Variants in GRIA4 observed in about 807,000 individuals in gnomAD.
GRIA4 encodes glutamate ionotropic receptor AMPA type subunit 4.
In GRIA4, 34 loss-of-function variants were observed where a neutral mutation model predicts 104.0. That is an observed-to-expected ratio of 0.33 (90% CI 0.25 to 0.44). The LOEUF (loss-of-function observed/expected upper bound fraction) is 0.44, where lower values mean the gene tolerates loss of function less well. Among genes scored for constraint, GRIA4 ranks in the 20% least tolerant of loss-of-function variants. The pLI, the probability that GRIA4 is intolerant of heterozygous loss-of-function variation, is 1.00. For synonymous variants in GRIA4, 386 were observed against 381.9 expected (o/e 1.01, Z -0.13); for missense variants, 750 against 1,096.5 (o/e 0.68, Z 4.46).
intron 3 of GRIA4, among the ~76,000 whole-genome samples, chr11:105,675,286 G>A (rs1418220044): frequency 6.6e-6 from 1 of 151,680 alleles, no homozygotes; most frequent in Non-Finnish European, 1.5e-5. Context: ...AAAATTTGGG[G>A]TGATTTTTGT....
chr11:105,632,501 C>T (rs545749474), intron 3 of GRIA4, among the ~76,000 whole-genome samples: 1 of 152,318 alleles, frequency 6.6e-6, no homozygotes, highest in East Asian at 1.9e-4. Flanking sequence ...CCCAGCTTTG[C>T]TGTTCATTAG....
At chr11:105,742,749 C>CA (rs1939393997) in intron 3 of GRIA4, among the ~76,000 whole-genome samples, 1 of 151,948 alleles carries the variant, frequency 6.6e-6, no homozygotes, top group Non-Finnish European at 1.5e-5. Flanking sequence ...ATGGTGAACC[C>CA]AAAAAATCAG....
At chr11:105,831,968 A>G (rs749880584) in intron 4 of GRIA4, among the ~76,000 whole-genome samples, 1 of 152,006 alleles carries the variant, frequency 6.6e-6, no homozygotes, top group African/African-American at 2.4e-5. Context: ...AGCAGAGAAG[A>G]CAGTGAATTC....
chr11:105,730,096 G>A (rs546157145), intron 3 of GRIA4, among the ~76,000 whole-genome samples: 1 of 152,298 alleles, frequency 6.6e-6, no homozygotes, highest in African/African-American at 2.4e-5. Flanking sequence ...ATTCATCTCT[G>A]TTTGCAGATG....
At chr11:105,729,691 A>G (rs1938461230) in intron 3 of GRIA4, among the ~76,000 whole-genome samples, 1 of 152,218 alleles carries the variant, frequency 6.6e-6, no homozygotes, top group Non-Finnish European at 1.5e-5. Flanking sequence ...CTGGGATACG[A>G]GGCTGGTTCA....
At chr11:105,932,530 T>G (rs1428663014) in intron 13 of GRIA4, among the ~76,000 whole-genome samples, 1 of 152,116 alleles carries the variant, frequency 6.6e-6, no homozygotes, top group Non-Finnish European at 1.5e-5. Flanking sequence ...AATGAAAAAT[T>G]TAATGCAAAT....
chr11:105,974,521 A>G (rs2136289803), intron 16 of GRIA4, 77 bp downstream of exon 16: 1 of 1,613,654 alleles, frequency 6.2e-7, no homozygotes, highest in Admixed American at 1.7e-5. Context: ...AGAGAAGGTT[A>G]CAACGTATAT....
intron 3 of GRIA4, among the ~76,000 whole-genome samples, chr11:105,683,071 A>G (rs1952761718): frequency 6.6e-6 from 1 of 152,168 alleles, no homozygotes; most frequent in South Asian, 2.1e-4. Flanking sequence ...TAGTCTTAGA[A>G]CTCTAAAAAA....
At chr11:105,620,694 A>G (rs1040109190) in intron 3 of GRIA4, among the ~76,000 whole-genome samples, 1 of 151,854 alleles carries the variant, frequency 6.6e-6, no homozygotes, top group African/African-American at 2.4e-5. Flanking sequence ...TATATTGCCA[A>G]ATTCATGTCA....
intron 5 of GRIA4, among the ~76,000 whole-genome samples, chr11:105,883,933 C>T (rs1946159719): frequency 6.6e-6 from 1 of 152,132 alleles, no homozygotes. Context: ...TCCTCTCCAG[C>T]ACCTTTATGC....
chr11:105,965,650 G>A (rs1858321864), intron 14 of GRIA4, among the ~76,000 whole-genome samples: 1 of 140,382 alleles, frequency 7.1e-6, no homozygotes, highest in Non-Finnish European at 1.5e-5. Flanking sequence ...TCAATTACTA[G>A]TAAATTCCCG....
Position 105,905,179 on chromosome 11 carries a change from G to A in GRIA4, c.1054-18G>A. 7.1e-7 allele frequency: 1 copy of A among 1,407,570 alleles called. No homozygotes were observed. The highest frequency in any genetic ancestry group is 1.0e-6 in the Non-Finnish European group (1 of 992,176). 87.2% of individuals were successfully genotyped at this position (1,407,570 alleles called of 1,614,324 possible). ...GTGAAATTGCAAGTGAACACGTGTG[G>A]TTTTCTTTTTCACTTAGGTTCGAAT... On this transcript the variant is annotated intron_variant, in intron 8 of 16. Transcript: ENST00000282499.
At chr11:105,848,872 G>A (rs2135981749) in intron 4 of GRIA4, among the ~76,000 whole-genome samples, 1 of 152,192 alleles carries the variant, frequency 6.6e-6, no homozygotes, top group Non-Finnish European at 1.5e-5. Flanking sequence ...GCAGAGACTA[G>A]GGCCTTTATT....
At chr11:105,910,294 C>CTTT (rs113570660) in intron 9 of GRIA4, 141 bp from the exon 10 acceptor site, 3 of 490,268 alleles carry the variant, frequency 6.1e-6, no homozygotes, top group Non-Finnish European at 1.1e-5. Context: ...CTTCTGAACA[C>CTTT]TTTTTTTTTT....
At chr11:105,959,255 C>T (rs966889161) in intron 14 of GRIA4, among the ~76,000 whole-genome samples, 3 of 152,150 alleles carry the variant, frequency 2.0e-5, no homozygotes, top group Admixed American at 6.5e-5. Context: ...TCAAATCAAT[C>T]GTAGGTTCTG....
chr11:105,668,948 T>C (rs1391395755), intron 3 of GRIA4, among the ~76,000 whole-genome samples: 4 of 152,046 alleles, frequency 2.6e-5, no homozygotes, highest in Non-Finnish European at 5.9e-5. Flanking sequence ...TCTAACCTTC[T>C]GCTGGACATT....
intron 3 of GRIA4, among the ~76,000 whole-genome samples, chr11:105,676,714 T>C (rs572636489): frequency 6.6e-6 from 1 of 151,800 alleles, no homozygotes; most frequent in South Asian, 2.1e-4. Context: ...TTAAAATCAA[T>C]AGTGAAAACA....
chr11:105,912,550 A>G (rs991212863), intron 10 of GRIA4: 1 of 265,746 alleles, frequency 3.8e-6, no homozygotes, highest in African/African-American at 2.3e-5. Context: ...ATATATTTAT[A>G]TATATATATA....
chr11:105,647,422 C>A (rs938291958), intron 3 of GRIA4, among the ~76,000 whole-genome samples: 7 of 152,064 alleles, frequency 4.6e-5, no homozygotes, highest in Admixed American at 6.5e-5. Flanking sequence ...TACCATTTGA[C>A]CCAGCAGCCC....
Sources: gnomAD v4.1 joint callset for allele counts (sites outside exome capture counted in the v4.1 genomes callset) on GRCh38, gnomAD v4.1.1 for gene constraint, MANE v1.5 for transcripts, NCBI Gene and HGNC (gene_info 2026-07-23, HGNC 2026-07-21) for gene names.